Variants in SGCZ observed in about 807,000 individuals in gnomAD.
SGCZ encodes the protein sarcoglycan zeta.
A neutral mutation model predicts 41.3 loss-of-function variants in SGCZ; 40 were observed. The ratio of observed to expected loss-of-function variants is 0.97; its 90% CI spans 0.75 to 1.26. The LOEUF (loss-of-function observed/expected upper bound fraction) is 1.26. SGCZ is among the 50% of genes most tolerant of loss of function. The pLI, the probability that SGCZ is intolerant of heterozygous loss-of-function variation, is 0.00. For missense variants in SGCZ, 552 were observed against 369.8 expected (o/e 1.49, Z -4.04); for synonymous variants, 206 against 137.5 (o/e 1.50, Z -3.49).
chr8:14,250,327 T>C (rs1206967547), intron 3 of SGCZ, among the ~76,000 whole-genome samples: 1 of 152,186 alleles, frequency 6.6e-6, no homozygotes, highest in East Asian at 1.9e-4. Flanking sequence ...ATTAGAATGT[T>C]TGCCCTCCAC....
chr8:14,464,889 T>C (rs1801006268), intron 2 of SGCZ, among the ~76,000 whole-genome samples: 1 of 151,756 alleles, frequency 6.6e-6, no homozygotes, highest in African/African-American at 2.4e-5. Context: ...TGAATTTTCC[T>C]GTTTCTCTTC....
intron 4 of SGCZ, among the ~76,000 whole-genome samples, chr8:14,180,013 C>G (rs1352918734): frequency 6.6e-6 from 1 of 152,120 alleles, no homozygotes; most frequent in Non-Finnish European, 1.5e-5. Flanking sequence ...CCAGAGATGC[C>G]AAAGGGATAT....
intron 1 of SGCZ, among the ~76,000 whole-genome samples, chr8:15,015,242 T>TAA (rs560507444): frequency 2.8e-5 from 4 of 143,256 alleles, no homozygotes; most frequent in Non-Finnish European, 6.2e-5. Context: ...GACTCCATCT[T>TAA]AAAAAAAAAA....
At chr8:15,152,202 T>C (rs1180321139) in intron 1 of SGCZ, among the ~76,000 whole-genome samples, 1 of 152,168 alleles carries the variant, frequency 6.6e-6, no homozygotes, top group Non-Finnish European at 1.5e-5. Flanking sequence ...TACTTCATAA[T>C]TGCTGAATCA....
At chr8:14,132,443 C>T (rs767521236) in intron 5 of SGCZ, among the ~76,000 whole-genome samples, 3 of 152,168 alleles carry the variant, frequency 2.0e-5, no homozygotes, top group East Asian at 1.9e-4. Context: ...ATCCAAAGTC[C>T]TTTGTACCTA....
intron 1 of SGCZ, among the ~76,000 whole-genome samples, chr8:15,228,791 C>T (rs964325784): frequency 3.9e-5 from 6 of 152,146 alleles, no homozygotes; most frequent in African/African-American, 9.7e-5. Context: ...TTGTGGCACA[C>T]GAGTTCACCA....
intron 3 of SGCZ, among the ~76,000 whole-genome samples, chr8:14,278,826 T>C (rs936128560): frequency 6.6e-6 from 1 of 152,102 alleles, no homozygotes; most frequent in Non-Finnish European, 1.5e-5. Flanking sequence ...GGACTTTGTG[T>C]TTGTGATATA....
chr8:15,079,140 A>G (rs73522889), intron 1 of SGCZ, among the ~76,000 whole-genome samples: 1 of 152,086 alleles, frequency 6.6e-6, no homozygotes, highest in Non-Finnish European at 1.5e-5. Flanking sequence ...TGACTTTTAC[A>G]TTCTTTTTTG....
chr8:14,651,540 C>G (rs1237679765), intron 1 of SGCZ, among the ~76,000 whole-genome samples: 1 of 152,046 alleles, frequency 6.6e-6, no homozygotes, highest in African/African-American at 2.4e-5. Context: ...CCCATTACCT[C>G]TCTTTTGTGT....
At chr8:14,447,571 A>T (rs78460011) in intron 2 of SGCZ, among the ~76,000 whole-genome samples, 480 of 152,308 alleles carry the variant, frequency 3.2e-3, no homozygotes, top group Non-Finnish European at 5.5e-3. Flanking sequence ...TTTAAAAGCA[A>T]TCAACATTAC....
intron 3 of SGCZ, among the ~76,000 whole-genome samples, chr8:14,264,722 G>C: frequency 6.6e-6 from 1 of 152,302 alleles, no homozygotes; most frequent in East Asian, 1.9e-4. Context: ...AGCACTTTGG[G>C]AGTCCGAGGC....
intron 1 of SGCZ, among the ~76,000 whole-genome samples, chr8:15,197,095 T>A (rs982443498): frequency 6.6e-6 from 1 of 152,182 alleles, no homozygotes; most frequent in Non-Finnish European, 1.5e-5. Context: ...CAAACCCAGT[T>A]CAGATTCAAG....
At chr8:14,454,785 A>G (rs530666151) in intron 2 of SGCZ, among the ~76,000 whole-genome samples, 2 of 152,278 alleles carry the variant, frequency 1.3e-5, no homozygotes, top group South Asian at 4.1e-4. Flanking sequence ...TAACATAAAG[A>G]GGAGCTTTTA....
At chr8:15,223,673 G>C (rs1801676136) in intron 1 of SGCZ, among the ~76,000 whole-genome samples, 1 of 152,040 alleles carries the variant, frequency 6.6e-6, no homozygotes, top group African/African-American at 2.4e-5. Flanking sequence ...ATTTGGTAGA[G>C]AACATTAGTA....
intron 2 of SGCZ, among the ~76,000 whole-genome samples, chr8:14,364,801 A>T (rs1204080366): frequency 6.6e-6 from 1 of 152,152 alleles, no homozygotes; most frequent in Non-Finnish European, 1.5e-5. Flanking sequence ...TCCACTTGTC[A>T]ATCGTTTATA....
At chr8:14,250,212 G>T (rs1020984577) in intron 3 of SGCZ, among the ~76,000 whole-genome samples, 1 of 152,170 alleles carries the variant, frequency 6.6e-6, no homozygotes, top group Non-Finnish European at 1.5e-5. Context: ...GAACCTTTTA[G>T]ATCTGGAGTG....
At chr8:14,545,038 G>C (rs912884673) in intron 2 of SGCZ, among the ~76,000 whole-genome samples, 1 of 152,094 alleles carries the variant, frequency 6.6e-6, no homozygotes, top group Admixed American at 6.6e-5. Flanking sequence ...AAGTCCTACA[G>C]ATATGTGATG....
chr8:14,798,268 T>C (rs993667714), intron 1 of SGCZ, among the ~76,000 whole-genome samples: 4 of 152,168 alleles, frequency 2.6e-5, no homozygotes, highest in Admixed American at 2.6e-4. Flanking sequence ...GAAGAAAGTA[T>C]ACAAGTCCTT....
At chr8:14,384,896 T>G (rs34983820) in intron 2 of SGCZ, among the ~76,000 whole-genome samples, 2 of 152,226 alleles carry the variant, frequency 1.3e-5, no homozygotes, top group African/African-American at 4.8e-5. Context: ...TAAGTCCCAG[T>G]TGAGCAAAAT....
Sources: gnomAD v4.1 joint callset for allele counts (sites outside exome capture counted in the v4.1 genomes callset) on GRCh38, gnomAD v4.1.1 for gene constraint, MANE v1.5 for transcripts, NCBI Gene and HGNC (gene_info 2026-07-23, HGNC 2026-07-21) for gene names.